Variants in C8orf82 observed in about 807,000 individuals in gnomAD.
C8orf82 encodes the protein chromosome 8 open reading frame 82.
In C8orf82, 24 loss-of-function variants were observed where a neutral mutation model predicts 15.0. The ratio of observed to expected loss-of-function variants is 1.60; its 90% CI spans 1.16 to 2.24. The LOEUF is 2.24. C8orf82 is among the 30% of genes most tolerant of loss of function. C8orf82 has a pLI of 0.00. For missense variants in C8orf82, 388 were observed against 317.4 expected, an observed-to-expected ratio of 1.22 and a Z score of -1.69; for synonymous variants, 205 against 152.2, an observed-to-expected ratio of 1.35 and a Z score of -2.55.
At chr8:144,528,359 T>C in intron 1 of C8orf82, 1 of 1,499,386 alleles carries the variant, frequency 6.7e-7, no homozygotes, top group Non-Finnish European at 8.9e-7. Flanking sequence ...GGAGACTACC[T>C]GGCCTGCTGC....
rs747279531 is a variant in C8orf82, at chr8:144,528,528, G to A, written c.156+233C>T. On this transcript the variant is annotated intron_variant, in intron 1 of 2. Coordinates refer to ENST00000524821, the MANE Select transcript of C8orf82 (RefSeq NM_001001795.2). ...CAGCAGGGACGCGGCCCATGTAGGA[G>A]CCTCGGCCCGGACCGACCCAACTCC... 411 of 1,385,560 alleles carry A rather than the reference G, an allele frequency of 3.0e-4. 1 individual carries two copies. Among genetic ancestry groups the A allele is most frequent in the Middle Eastern group, 2.5e-3 (10 of 3,996 alleles). The allele number at this position is 1,385,560 out of a possible 1,614,324, so 85.8% of individuals were successfully genotyped here.
In C8orf82 at chr8:144,527,376, A is replaced by T; in HGVS notation, c.617T>A (p.Leu206Gln). The T allele has an allele frequency of 8.1e-7, 1 of 1,232,188 alleles. No homozygotes were observed. Among genetic ancestry groups the T allele is most frequent in the Non-Finnish European group, 1.0e-6 (1 of 981,552 alleles). 76.3% of individuals were successfully genotyped at this position (1,232,188 alleles called of 1,614,324 possible). The change falls in exon 3 of 3, where the codon CTG becomes CAG. Residue 206 changes from leucine (L) to glutamine (Q), a missense_variant. Physicochemically the swap from Leu to Gln is moderately radical, Grantham distance 113 (BLOSUM62 -2). Transcript: ENST00000524821. ...CCGAGCCGCGAGCAGCAGCGGGGCC[A>T]GGTCCATGGTGAGGGCGAGGCGGCG... ...QGRRLALTMD[L>Q]APLLLAARSP
Position 144,527,491 on chromosome 8 carries a change from C to G in C8orf82, c.502G>C (p.Val168Leu), listed in dbSNP as rs1489855926. 7.9e-7 allele frequency: 1 copy of G among 1,272,062 alleles called. No individual in the cohort carries two copies. The highest frequency in any genetic ancestry group is 9.9e-7 in the Non-Finnish European group (1 of 1,008,768). The allele number at this position is 1,272,062 out of a possible 1,614,324, so 78.8% of individuals were successfully genotyped here. ...APERAGGVGL[V>L]RSALAFELSA... ...AGCTCGAAGGCCAGGGCGGAGCGCA[C>G]CAGGCCCACGCCGCCCGCACGCTCC... Residue 168 changes from valine (V) to leucine (L), a missense_variant, in exon 3 of 3, where the codon GTG becomes CTG. By Grantham distance (32) the Val-to-Leu change is conservative. Coordinates refer to ENST00000524821, the MANE Select transcript of C8orf82 (RefSeq NM_001001795.2).
chr8:144,527,668 C>A lies in C8orf82; in HGVS notation c.325G>T (p.Asp109Tyr). ...AGGTGCGTGAAGACCACCGGCCGGTCCTCGCAGCGCAGGAAGTTGCGCTCT... is the reference window on the plus strand; with the variant it reads ...AGGTGCGTGAAGACCACCGGCCGGTACTCGCAGCGCAGGAAGTTGCGCTCT... ...GRERNFLRCE[D>Y]RPVVFTHLLT... The change falls in exon 3 of 3, where the codon GAC becomes TAC. Residue 109 changes from aspartate (D) to tyrosine (Y), a missense_variant. Coordinates refer to ENST00000524821, the MANE Select transcript of C8orf82 (RefSeq NM_001001795.2). 6.4e-7 allele frequency: 1 copy of A among 1,560,668 alleles called. No homozygotes were observed. The highest frequency in any genetic ancestry group is 8.6e-7 in the Non-Finnish European group (1 of 1,160,986).
Position 144,527,552 on chromosome 8 carries a change from G to C in C8orf82, c.441C>G (p.Pro147=), listed in dbSNP as rs1422525365. 5 of 1,415,084 alleles carry C rather than the reference G, an allele frequency of 3.5e-6. No homozygotes were observed. The highest frequency in any genetic ancestry group is 4.6e-6 in the Non-Finnish European group (5 of 1,092,596). 87.7% of individuals were successfully genotyped at this position (1,415,084 alleles called of 1,614,324 possible). A position where few individuals can be genotyped will look rare whatever the true frequency, so the allele number is the denominator to read the frequency against. ...AVPFEPARLL[P]LAANGRLYHP... is the part of the protein sequence containing the mutation. ...GGTACAGGCGCCCGTTGGCGGCCAG[G>C]GGCAGCAGGCGCGCCGGCTCGAAGG... is the stretch of plus-strand genomic sequence containing the variant. Residue 147 remains proline (P), a synonymous_variant, in exon 3 of 3, where the codon CCC becomes CCG. Transcript: ENST00000524821.
intron 1 of C8orf82, chr8:144,528,387 G>A (rs1816463783): frequency 1.3e-6 from 2 of 1,496,820 alleles, no homozygotes; most frequent in Non-Finnish European, 1.8e-6. Context: ...ACATGCAGCT[G>A]CCTTTTGACA....
At chr8:144,528,370 C>T in intron 1 of C8orf82, 1 of 1,502,416 alleles carries the variant, frequency 6.7e-7, no homozygotes. Context: ...GGCCTGCTGC[C>T]TCCCGGACAT....
intron 1 of C8orf82, 146 bp downstream of exon 1, chr8:144,528,615 C>CGGGGGGGGGGGGGGGGGGGGGGGGG: frequency 2.6e-5 from 7 of 268,470 alleles, no homozygotes; most frequent in Non-Finnish European, 4.1e-5. Context: ...CGCGCAGGCC[C>CGGGGGGGGGGGGGGGGGGGGGGGGG]CGCCCACCCA....
Position 144,528,932 on chromosome 8 carries a change from G to T in C8orf82, c.-16C>A. On this transcript the variant is annotated 5_prime_UTR_variant, in exon 1 of 3. Coordinates refer to ENST00000524821, the MANE Select transcript of C8orf82 (RefSeq NM_001001795.2). ...GCGGCCACATTCTCCTCCCGCGCCG[G>T]AAGCGACCAGCAGGTCACGCCGGGG... 1 of 1,499,506 alleles carries T rather than the reference G, an allele frequency of 6.7e-7. No homozygotes were observed. Among genetic ancestry groups the T allele is most frequent in the Admixed American group, 2.3e-5 (1 of 44,196 alleles). The allele number at this position is 1,499,506 out of a possible 1,614,324, so 92.9% of individuals were successfully genotyped here.
chr8:144,527,732 G>C lies in C8orf82; in HGVS notation c.261C>G (p.Arg87=), dbSNP rs1322592975. 6.3e-7 allele frequency: 1 copy of C among 1,592,740 alleles called. No individual in the cohort carries two copies. The highest frequency in any genetic ancestry group is 8.5e-7 in the Non-Finnish European group (1 of 1,176,796). ...FSRLRPNRSG[R]YEAAFPFLSP... ...AGAGGAAGGGGAAAGCGGCCTCGTA[G>C]CGCCCGCTGCGGTTGGGTCTCAGGC... is the stretch of plus-strand genomic sequence containing the variant. Residue 87 remains arginine (R), a synonymous_variant, in exon 3 of 3, where the codon CGC becomes CGG. Coordinates refer to ENST00000524821, the MANE Select transcript of C8orf82 (RefSeq NM_001001795.2).
chr8:144,527,109 A>C lies in C8orf82; in HGVS notation c.*233T>G. On this transcript the variant is annotated 3_prime_UTR_variant, in exon 3 of 3. Transcript: ENST00000524821. Reference sequence around the variant, plus strand: ...GTGCCTGACGTCTCGAGCGCAGGCCAATCCGGAGGGCGCCGGAGTCGGGTG... The same window carrying C: ...GTGCCTGACGTCTCGAGCGCAGGCCCATCCGGAGGGCGCCGGAGTCGGGTG... The C allele has an allele frequency of 5.2e-6, 1 of 194,044 alleles. No individual in the cohort carries two copies. The highest frequency in any genetic ancestry group is 1.0e-5 in the Non-Finnish European group (1 of 97,882). 12.0% of individuals were successfully genotyped at this position (194,044 alleles called of 1,614,324 possible).
intron 2 of C8orf82, 71 bp downstream of exon 2, chr8:144,527,953 G>A: frequency 1.3e-6 from 2 of 1,550,712 alleles, no homozygotes; most frequent in South Asian, 2.2e-5. Flanking sequence ...CCCGTCGGCA[G>A]AGTCGGGGAG....
rs930189115 is a variant in C8orf82, at chr8:144,529,059, C to G, written c.-143G>C. ...GGGCCCGGCGCTCTTCCCTCTCCCTCGGGCCTCGGGGGCTCGCCCGCCCTG... is the reference window on the plus strand; with the variant it reads ...GGGCCCGGCGCTCTTCCCTCTCCCTGGGGCCTCGGGGGCTCGCCCGCCCTG... On this transcript the variant is annotated 5_prime_UTR_variant, in exon 1 of 3. Coordinates refer to ENST00000524821, the MANE Select transcript of C8orf82 (RefSeq NM_001001795.2). 1 of 824,402 alleles carries G rather than the reference C, an allele frequency of 1.2e-6. No individual in the cohort carries two copies. Among genetic ancestry groups the G allele is most frequent in the African/African-American group, 1.9e-5 (1 of 53,812 alleles). 51.1% of individuals were successfully genotyped at this position (824,402 alleles called of 1,614,324 possible). A position where few individuals can be genotyped will look rare whatever the true frequency, so the allele number is the denominator to read the frequency against.
intron 1 of C8orf82, chr8:144,528,452 G>A: frequency 2.0e-6 from 3 of 1,477,836 alleles, no homozygotes; most frequent in Non-Finnish European, 2.7e-6. Flanking sequence ...GCGGCGAGAA[G>A]TCAGCGCCGG....
chr8:144,527,841 G>T (rs751464036), intron 2 of C8orf82, 54 bp from the exon 3 acceptor site: 2 of 1,572,686 alleles, frequency 1.3e-6, no homozygotes, highest in Non-Finnish European at 1.7e-6. Flanking sequence ...AGGCCTCCGG[G>T]CCCAGGACCA....
At position 144,528,838 on chromosome 8, in the gene C8orf82, C is replaced by T. The variant is rs913374077; in HGVS notation, c.79G>A (p.Gly27Ser). 41 of 1,521,912 alleles carry T rather than the reference C, an allele frequency of 2.7e-5. No homozygotes were observed. The highest frequency in any genetic ancestry group is 3.5e-5 in the Non-Finnish European group (40 of 1,137,330). The allele number at this position is 1,521,912 out of a possible 1,614,324, so 94.3% of individuals were successfully genotyped here. The change falls in exon 1 of 3, where the codon GGC (glycine) becomes AGC (serine). Residue 27 changes from glycine to serine, a missense_variant. Transcript: ENST00000524821. ...CTCTGGCCCTGCGTGTAGGAAACGC[C>T]CCCATCCCCGCTGCAGGCCCGGGCT... ...RGARACSGDG[G>S]VSYTQGQSPE...
Position 144,527,785 on chromosome 8 carries a change from G to T in C8orf82, c.208C>A (p.Pro70Thr), listed in dbSNP as rs764156854. 6.3e-7 allele frequency: 1 copy of T among 1,594,394 alleles called. No individual in the cohort carries two copies. Among genetic ancestry groups the T allele is most frequent in the South Asian group, 1.1e-5 (1 of 90,618 alleles). ...GAGAAGAAGGTGACCAGGAACTGCG[G>T]GTCTGGGGGATGAAGGGTGCGTGTA... ...MKNFITCFKD[P>T]QFLVTFFSRL... Residue 70 changes from proline to threonine, a missense_variant and splice_region_variant, in exon 3 of 3, where the codon CCG becomes ACG. Coordinates refer to ENST00000524821, the MANE Select transcript of C8orf82 (RefSeq NM_001001795.2).
chr8:144,528,532 C>A (rs1012336329), intron 1 of C8orf82: 1 of 1,370,000 alleles, frequency 7.3e-7, no homozygotes, highest in Non-Finnish European at 9.5e-7. Context: ...GTAGGAGCCT[C>A]GGCCCGGACC....
At position 144,528,078 on chromosome 8, in the gene C8orf82, G is replaced by A; in HGVS notation, c.157-6C>T. The A allele has an allele frequency of 2.5e-6, 4 of 1,612,250 alleles. No individual in the cohort carries two copies. Reference sequence around the variant, plus strand: ...TTGGAATCATCCAGGAAAAGCTGCAGATAGAGGGCCAGGCCGTGATAAGTC... The same window carrying A: ...TTGGAATCATCCAGGAAAAGCTGCAAATAGAGGGCCAGGCCGTGATAAGTC... On this transcript the variant is annotated splice_polypyrimidine_tract_variant and splice_region_variant and intron_variant, in intron 1 of 2. Transcript: ENST00000524821.
Sources: allele counts gnomAD v4.1 joint callset, GRCh38; gene constraint gnomAD v4.1.1; transcripts MANE v1.5; gene names NCBI Gene and HGNC (gene_info 2026-07-23, HGNC 2026-07-21).